The following UNC13C variants were observed in gnomAD, a reference collection of about 807,000 sequenced individuals.
The protein encoded by UNC13C is unc-13 homolog C, also known as protein unc-13 homolog C.
Under a neutral mutation model 245.4 loss-of-function variants are expected in UNC13C, and 174 were observed. The observed-to-expected ratio is 0.71, with a 90% CI of 0.63 to 0.80. UNC13C has a LOEUF of 0.80. UNC13C is among the 30% of genes least tolerant of loss of function. The probability of loss-of-function intolerance (pLI) is 0.00; values close to 1 mark genes in which losing one functional copy is unlikely to be tolerated. For missense variants in UNC13C, 2,829 were observed against 2,602.9 expected (o/e 1.09, Z -1.89); for synonymous variants, 992 against 895.1 (o/e 1.11, Z -1.93).
intron 4 of UNC13C, among the ~76,000 whole-genome samples, chr15:54,156,142 T>C (rs2032735467): frequency 6.6e-6 from 1 of 152,172 alleles, no homozygotes; most frequent in Admixed American, 6.5e-5. Flanking sequence ...ATTCACAAGA[T>C]TGTATGATTT....
chr15:54,548,993 C>T (rs1896614876), intron 27 of UNC13C, among the ~76,000 whole-genome samples: 1 of 152,116 alleles, frequency 6.6e-6, no homozygotes, highest in Non-Finnish European at 1.5e-5. Context: ...TTCAGAATAG[C>T]TAATTTTCCT....
At chr15:54,609,500 GTC>G (rs1485095554) in intron 30 of UNC13C, 10 of 152,240 alleles carry the variant, frequency 6.6e-5, no homozygotes, top group Admixed American at 6.5e-4. Context: ...AACTGAACTT[GTC>G]ATCTATATTT....
chr15:54,117,034 G>A (rs1182980274), intron 2 of UNC13C, among the ~76,000 whole-genome samples: 2 of 151,946 alleles, frequency 1.3e-5, no homozygotes, highest in Non-Finnish European at 2.9e-5. Flanking sequence ...GAGATGTTGA[G>A]TTTTTTTCAT....
chr15:54,194,745 A>G (rs768141869), intron 4 of UNC13C, among the ~76,000 whole-genome samples: 1 of 152,164 alleles, frequency 6.6e-6, no homozygotes, highest in East Asian at 1.9e-4. Context: ...AAAGGACATT[A>G]TCTGAGCCAC....
intron 10 of UNC13C, among the ~76,000 whole-genome samples, chr15:54,284,485 A>T (rs538164668): frequency 6.6e-6 from 1 of 152,342 alleles, no homozygotes; most frequent in East Asian, 1.9e-4. Context: ...GTTTTGAAAG[A>T]CAGGTAAGTG....
At chr15:53,898,487 AT>A in the UNC13C span, among the ~76,000 whole-genome samples, 8 of 152,084 alleles carry the variant, frequency 5.3e-5, no homozygotes, top group Non-Finnish European at 8.8e-5. Flanking sequence ...CTTCAAAAAA[AT>A]CAAACATTTC....
intron 26 of UNC13C, among the ~76,000 whole-genome samples, chr15:54,546,390 T>G (rs929747318): frequency 1.3e-5 from 2 of 151,638 alleles, no homozygotes; most frequent in African/African-American, 4.8e-5. Flanking sequence ...GATGGGTGCA[T>G]CAAACCACCA....
the UNC13C span, among the ~76,000 whole-genome samples, chr15:53,906,989 C>T: frequency 6.6e-6 from 1 of 151,102 alleles, no homozygotes; most frequent in South Asian, 2.1e-4. Flanking sequence ...AACCACCCCC[C>T]TCTCTCGACA....
chr15:53,923,442 T>A, the UNC13C span, among the ~76,000 whole-genome samples: 2 of 152,254 alleles, frequency 1.3e-5, no homozygotes. Context: ...GATAGAAGGA[T>A]ACATTTATGG....
chr15:54,506,068 G>A (rs573743416), intron 22 of UNC13C, among the ~76,000 whole-genome samples: 13 of 152,076 alleles, frequency 8.5e-5, no homozygotes, highest in South Asian at 2.1e-4. Flanking sequence ...CAAGTCACCC[G>A]GCAGCTGTAG....
At position 54,390,844 on chromosome 15, in the gene UNC13C, AT is replaced by A. The variant is rs144900427; in HGVS notation, c.4714-2203del. Among the ~76,000 whole-genome samples, 192 of 152,228 alleles carry A rather than the reference AT, an allele frequency of 1.3e-3. 1 individual carries two copies. The highest frequency in any genetic ancestry group is 4.6e-3 in the African/African-American group (190 of 41,542). Reference sequence around the variant, plus strand: ...ATTATAATACACCAGATGAGACCTCATCCTTTCAGCATGCAGTCTATTACAA... The same window carrying A: ...ATTATAATACACCAGATGAGACCTCACCTTTCAGCATGCAGTCTATTACAA... On this transcript the variant is annotated intron_variant, in intron 17 of 32. Transcript: ENST00000260323.
intron 30 of UNC13C, among the ~76,000 whole-genome samples, chr15:54,619,089 G>A (rs1168468292): frequency 1.3e-5 from 2 of 152,040 alleles, no homozygotes; most frequent in African/African-American, 4.8e-5. Context: ...TCTATGCCTT[G>A]GAAATGGATC....
chr15:54,544,934 T>C (rs1037530791), intron 26 of UNC13C, among the ~76,000 whole-genome samples: 5 of 152,162 alleles, frequency 3.3e-5, no homozygotes, highest in African/African-American at 1.2e-4. Flanking sequence ...CTTCACATAA[T>C]TGGAAAAAAC....
At chr15:54,309,071 G>A (rs1041118004) in intron 13 of UNC13C, among the ~76,000 whole-genome samples, 1 of 151,688 alleles carries the variant, frequency 6.6e-6, no homozygotes, top group African/African-American at 2.4e-5. Context: ...ACTTTTTGAG[G>A]AAGCTTCTTA....
chr15:54,459,054 A>T (rs1433085721), intron 19 of UNC13C, among the ~76,000 whole-genome samples: 1 of 152,130 alleles, frequency 6.6e-6, no homozygotes, highest in Non-Finnish European at 1.5e-5. Context: ...TTCAAGACTT[A>T]AAATTCTTTT....
Position 54,236,903 on chromosome 15 carries a change from C to T in UNC13C, c.3156+468C>T, listed in dbSNP as rs181185927. On this transcript the variant is annotated intron_variant, in intron 6 of 32. Transcript: ENST00000260323. ...TGCTCCTAATGGGATAACAGTTTTACTGTTCCCATATGGAGGTTCTGATTT... is the reference window on the plus strand; with the variant it reads ...TGCTCCTAATGGGATAACAGTTTTATTGTTCCCATATGGAGGTTCTGATTT... Among the ~76,000 whole-genome samples the T allele has an allele frequency of 4.8e-4, 73 of 152,278 alleles. No individual in the cohort carries two copies. In the East Asian group the frequency reaches 0.014, roughly 29 times the overall value.
intron 1 of UNC13C, among the ~76,000 whole-genome samples, chr15:54,012,028 C>T (rs1895402776): frequency 6.6e-6 from 1 of 152,170 alleles, no homozygotes; most frequent in African/African-American, 2.4e-5. Context: ...AAGTTCAATT[C>T]AACAAAACTT....
intron 2 of UNC13C, among the ~76,000 whole-genome samples, chr15:54,123,788 T>G (rs1369362101): frequency 6.6e-6 from 1 of 152,118 alleles, no homozygotes; most frequent in Non-Finnish European, 1.5e-5. Context: ...AATCAAACTA[T>G]AGACATGTTC....
rs373656815 is a variant in UNC13C, at chr15:54,555,656, A to C, written c.5958+144A>C. The C allele has an allele frequency of 1.6e-5, 10 of 637,004 alleles. No homozygotes were observed. The African/African-American group carries it at 1.8e-4, about 12-fold the overall frequency. The allele number at this position is 637,004 out of a possible 1,614,324, so 39.5% of individuals were successfully genotyped here. ...TAGTTGAATAGATATAGGTTGGTGC[A>C]ATAGTAATTGTGGTTTTTGCCATTA... On this transcript the variant is annotated intron_variant, in intron 29 of 32. Coordinates refer to ENST00000260323, the MANE Select transcript of UNC13C (RefSeq NM_001080534.3).
Sources: gnomAD v4.1 joint callset for allele counts (sites outside exome capture counted in the v4.1 genomes callset) on GRCh38, gnomAD v4.1.1 for gene constraint, MANE v1.5 for transcripts, NCBI Gene and HGNC (gene_info 2026-07-23, HGNC 2026-07-21) for gene names.